Variants in PINX1 observed in about 807,000 individuals in gnomAD.
PINX1 encodes PIN2/TERF1-interacting telomerase inhibitor 1.
In PINX1, 34 loss-of-function variants were observed where a neutral mutation model predicts 25.4. The observed-to-expected ratio is 1.34, with a 90% CI of 1.02 to 1.78. The LOEUF (loss-of-function observed/expected upper bound fraction) is 1.78, where lower values mean the gene tolerates loss of function less well. Ranked by LOEUF, PINX1 falls within the 40% of genes most tolerant of loss-of-function variation. The pLI, the probability that PINX1 is intolerant of heterozygous loss-of-function variation, is 0.00. For synonymous variants in PINX1, 197 were observed against 147.7 expected (o/e 1.33, Z -2.42); for missense variants, 592 against 404.9 (o/e 1.46, Z -3.97).
In PINX1 at chr8:10,765,501, C is replaced by A. The variant is rs960384661; in HGVS notation, c.887G>T (p.Arg296Met). ...TTTTTGCAGCTTTTTCTTCCCTCTCCTCTTTTTGGGCTTCAGGGTGAAGTC... is the reference window on the plus strand; with the variant it reads ...TTTTTGCAGCTTTTTCTTCCCTCTCATCTTTTTGGGCTTCAGGGTGAAGTC... The part of the protein sequence containing the change: ...GRDFTLKPKK[R>M]RGKKKLQKPV... The change falls in exon 7 of 7, where the codon AGG becomes ATG. Residue 296 changes from arginine (R) to methionine (M), a missense_variant. Physicochemically the swap from Arg to Met is moderately conservative, Grantham distance 91. Transcript: ENST00000314787. 1.2e-5 allele frequency: 19 copies of A among 1,613,736 alleles called. No homozygotes were observed. Among genetic ancestry groups the A allele is most frequent in the Non-Finnish European group, 1.6e-5 (19 of 1,179,898 alleles).
chr8:10,775,009 A>T (rs1801343527), intron 6 of PINX1, among the ~76,000 whole-genome samples: 1 of 152,198 alleles, frequency 6.6e-6, no homozygotes, highest in Non-Finnish European at 1.5e-5. Flanking sequence ...TTTAGCATAG[A>T]CAAAAACTAA....
chr8:10,834,861 T>C lies in PINX1; in HGVS notation c.20-86A>G. ...ACATACACATGCACAACTTTGTGTA[T>C]TTTATGTATGTATGTAAAATATGAC... On this transcript the variant is annotated intron_variant, in intron 1 of 6. Transcript: ENST00000314787. 3 of 857,472 alleles carry C rather than the reference T, an allele frequency of 3.5e-6. No individual in the cohort carries two copies. The South Asian group carries it at 4.6e-5, about 13-fold the overall frequency. The allele number at this position is 857,472 out of a possible 1,614,324, so 53.1% of individuals were successfully genotyped here.
Position 10,784,269 on chromosome 8 carries a change from T to A in PINX1, c.472-18353A>T, listed in dbSNP as rs533191439. 3.0e-4 allele frequency among the ~76,000 whole-genome samples: 46 copies of A among 152,326 alleles called. 1 individual carries two copies. The South Asian group carries it at 9.5e-3, about 32-fold the overall frequency. ...AAATGAATAATATCACTGTTTTACT[T>A]TAGAAAGCACATCACACATTTTAGA... On this transcript the variant is annotated intron_variant, in intron 6 of 6. Transcript: ENST00000314787.
chr8:10,817,060 T>G (rs1267938419), intron 6 of PINX1, among the ~76,000 whole-genome samples: 1 of 152,180 alleles, frequency 6.6e-6, no homozygotes. Context: ...AGGCTTCCCT[T>G]ATTGCAAGGG....
At chr8:10,766,688 C>T (rs1403246201) in intron 6 of PINX1, among the ~76,000 whole-genome samples, 3 of 152,238 alleles carry the variant, frequency 2.0e-5, no homozygotes, top group Admixed American at 6.5e-5. Context: ...ATGTGAGTTA[C>T]TCACACATAA....
chr8:10,775,993 G>C (rs1460872740), intron 6 of PINX1, among the ~76,000 whole-genome samples: 6 of 152,204 alleles, frequency 3.9e-5, no homozygotes, highest in Admixed American at 1.3e-4. Context: ...AAAGCCCCTG[G>C]GGATGCTAGA....
chr8:10,814,490 A>G (rs940386454), intron 6 of PINX1, among the ~76,000 whole-genome samples: 6 of 152,246 alleles, frequency 3.9e-5, no homozygotes, highest in African/African-American at 1.2e-4. Flanking sequence ...AAACTATTCT[A>G]GAGTGAAATG....
intron 4 of PINX1, among the ~76,000 whole-genome samples, chr8:10,827,839 A>T (rs1360314083): frequency 6.9e-6 from 1 of 145,606 alleles, no homozygotes; most frequent in Non-Finnish European, 1.5e-5. Flanking sequence ...TGAACCTGGG[A>T]GGCAGAGCTT....
intron 6 of PINX1, among the ~76,000 whole-genome samples, chr8:10,797,253 T>C (rs1315418355): frequency 6.6e-6 from 1 of 152,178 alleles, no homozygotes; most frequent in African/African-American, 2.4e-5. Flanking sequence ...GGGTTGGTGT[T>C]TCAGGGACCT....
At chr8:10,814,323 A>T (rs1409694487) in intron 6 of PINX1, among the ~76,000 whole-genome samples, 4 of 152,210 alleles carry the variant, frequency 2.6e-5, no homozygotes, top group Non-Finnish European at 4.4e-5. Context: ...CATTGAAGCA[A>T]GTACTTCTGA....
At chr8:10,813,492 G>GC (rs1389709525) in intron 6 of PINX1, among the ~76,000 whole-genome samples, 2 of 152,138 alleles carry the variant, frequency 1.3e-5, no homozygotes, top group Non-Finnish European at 2.9e-5. Flanking sequence ...CAAAGCAGAA[G>GC]CGTCTGCTCG....
chr8:10,805,214 T>C (rs760848937), intron 6 of PINX1, among the ~76,000 whole-genome samples: 1 of 152,170 alleles, frequency 6.6e-6, no homozygotes, highest in Non-Finnish European at 1.5e-5. Flanking sequence ...CTGCAGGGCG[T>C]GCTTGGAGGA....
rs201784803 is a variant in PINX1 at position 10,831,698 on chromosome 8, C to T, written c.268G>A (p.Glu90Lys). The change falls in exon 4 of 7, where the codon GAA becomes AAA. Residue 90 changes from glutamate (E) to lysine (K), a missense_variant. Transcript: ENST00000314787. Reference protein sequence around the residue: ...HQDDFNQLLAELNTCHGQETT... With the variant: ...HQDDFNQLLAKLNTCHGQETT... ...TCCTGCCCATGGCAAGTGTTCAGTTCGGCCAGAAGCTGGTTAAAATCATCC... is the reference window on the plus strand; with the variant it reads ...TCCTGCCCATGGCAAGTGTTCAGTTTGGCCAGAAGCTGGTTAAAATCATCC... The T allele has an allele frequency of 4.1e-5, 66 of 1,604,160 alleles. No homozygotes were observed. Among genetic ancestry groups the T allele is most frequent in the Admixed American group, 1.4e-4 (8 of 59,206 alleles).
chr8:10,774,184 C>T (rs1801315853), intron 6 of PINX1, among the ~76,000 whole-genome samples: 1 of 152,112 alleles, frequency 6.6e-6, no homozygotes, highest in Admixed American at 6.5e-5. Flanking sequence ...TGCTGAAGAA[C>T]CATGACAACT....
At chr8:10,794,576 G>A (rs1802027188) in intron 6 of PINX1, among the ~76,000 whole-genome samples, 1 of 151,986 alleles carries the variant, frequency 6.6e-6, no homozygotes, top group African/African-American at 2.4e-5. Flanking sequence ...ACAGGCGCCT[G>A]CCACCACGTC....
intron 5 of PINX1, among the ~76,000 whole-genome samples, chr8:10,823,189 C>T (rs1009526847): frequency 6.6e-6 from 1 of 152,194 alleles, no homozygotes; most frequent in South Asian, 2.1e-4. Context: ...GCTGACTGCG[C>T]TGTGAATACC....
chr8:10,821,380 T>C (rs1022330146), intron 5 of PINX1, among the ~76,000 whole-genome samples: 6 of 152,226 alleles, frequency 3.9e-5, no homozygotes, highest in African/African-American at 1.4e-4. Context: ...ACCAGTTTCC[T>C]AGGCAGCAGT....
Position 10,839,798 on chromosome 8 carries a change from C to A in PINX1, c.-42G>T. ...TACCGCCGCCTCTGGACCTGGGTGA[C>A]TGCGGCCACTGGGCGGGCTGGAGAC... On this transcript the variant is annotated 5_prime_UTR_variant, in exon 1 of 7. Transcript: ENST00000314787. 6.3e-7 allele frequency: 1 copy of A among 1,585,424 alleles called. No homozygotes were observed. Among genetic ancestry groups the A allele is most frequent in the Non-Finnish European group, 8.6e-7 (1 of 1,163,628 alleles).
chr8:10,784,286 C>CA (rs1392358160), intron 6 of PINX1, among the ~76,000 whole-genome samples: 2 of 152,176 alleles, frequency 1.3e-5, no homozygotes, highest in African/African-American at 4.8e-5. Context: ...GCACATCACA[C>CA]ATTTTAGAAG....
Sources: allele counts gnomAD v4.1 joint callset (sites outside exome capture counted in the v4.1 genomes callset), GRCh38; gene constraint gnomAD v4.1.1; transcripts MANE v1.5; gene names NCBI Gene and HGNC (gene_info 2026-07-23, HGNC 2026-07-21).